The following SEMA6A variants were observed in gnomAD, a reference collection of about 807,000 sequenced individuals.
SEMA6A encodes semaphorin-6A.
A neutral mutation model predicts 96.8 loss-of-function variants in SEMA6A; 25 were observed. That is an observed-to-expected ratio of 0.26 (90% confidence interval 0.19 to 0.36). SEMA6A has a LOEUF of 0.36. Among genes scored for constraint, SEMA6A ranks in the 10% least tolerant of loss-of-function variants. The probability of loss-of-function intolerance (pLI) is 1.00; values close to 1 mark genes in which losing one functional copy is unlikely to be tolerated. For synonymous variants in SEMA6A, 612 were observed against 518.0 expected, an observed-to-expected ratio of 1.18 and a Z score of -2.46; for missense variants, 1,363 against 1,323.1, an observed-to-expected ratio of 1.03 and a Z score of -0.47.
At chr5:116,495,810 G>C (rs1478743133) in intron 5 of SEMA6A, 2 of 378,764 alleles carry the variant, frequency 5.3e-6, no homozygotes, top group African/African-American at 4.2e-5. Flanking sequence ...TTTAATGCCA[G>C]ATGCTCCAGC....
At chr5:116,460,434 T>C (rs1367505969) in intron 18 of SEMA6A, among the ~76,000 whole-genome samples, 1 of 152,214 alleles carries the variant, frequency 6.6e-6, no homozygotes. Flanking sequence ...CCAAATGTAA[T>C]ATATAAATTA....
intron 1 of SEMA6A, among the ~76,000 whole-genome samples, chr5:116,526,590 C>A (rs983595253): frequency 6.6e-6 from 1 of 152,158 alleles, no homozygotes. Context: ...TAAACACATA[C>A]GTCGTATAAG....
intron 1 of SEMA6A, among the ~76,000 whole-genome samples, chr5:116,558,096 C>A (rs1416064834): frequency 6.6e-6 from 1 of 152,098 alleles, no homozygotes; most frequent in East Asian, 1.9e-4. Context: ...TTCTCTAGAA[C>A]CTTTCTAGAT....
intron 18 of SEMA6A, among the ~76,000 whole-genome samples, chr5:116,458,617 T>C (rs551392332): frequency 1.3e-3 from 196 of 152,226 alleles, no homozygotes; most frequent in African/African-American, 4.6e-3. Context: ...AAATGAATGT[T>C]AGGTTAAAAA....
chr5:116,568,713 A>G (rs1223084110), intron 1 of SEMA6A, among the ~76,000 whole-genome samples: 1 of 152,112 alleles, frequency 6.6e-6, no homozygotes. Context: ...ACTGGGTGAG[A>G]ATGTGGGAAT....
chr5:116,461,219 A>G (rs1755374808), intron 18 of SEMA6A, among the ~76,000 whole-genome samples: 2 of 152,094 alleles, frequency 1.3e-5, no homozygotes, highest in Admixed American at 6.5e-5. Context: ...TGGAACCGTC[A>G]CAATCAATTC....
chr5:116,562,609 C>A, intron 1 of SEMA6A: 1 of 692,770 alleles, frequency 1.4e-6, no homozygotes, highest in South Asian at 1.5e-5. Flanking sequence ...TCATCAGCCT[C>A]TGACCTCAGG....
intron 18 of SEMA6A, chr5:116,449,425 G>C: frequency 2.9e-6 from 2 of 695,214 alleles, no homozygotes; most frequent in Non-Finnish European, 5.2e-6. Context: ...TAGAATGAAA[G>C]GAAATAAAGA....
chr5:116,511,477 T>G (rs189547696), intron 1 of SEMA6A, among the ~76,000 whole-genome samples: 126 of 152,262 alleles, frequency 8.3e-4, no homozygotes, highest in African/African-American at 2.9e-3. Context: ...GTTTATGTCC[T>G]TCCCAAGGCA....
At chr5:116,495,365 A>C (rs1197567229) in intron 6 of SEMA6A, 48 bp downstream of exon 6, 3 of 1,389,940 alleles carry the variant, frequency 2.2e-6, no homozygotes, top group Non-Finnish European at 3.0e-6. Flanking sequence ...ACAGTAAATT[A>C]TGAAATGCCT....
chr5:116,508,864 G>C (rs896379487), intron 1 of SEMA6A, among the ~76,000 whole-genome samples: 1 of 152,132 alleles, frequency 6.6e-6, no homozygotes, highest in South Asian at 2.1e-4. Context: ...AAGGTTCTGA[G>C]GGAACCTTTA....
chr5:116,495,534 GT>G lies in SEMA6A; in HGVS notation c.343-21del, dbSNP rs1338678589. 6.6e-7 allele frequency: 1 copy of G among 1,513,310 alleles called. No individual in the cohort carries two copies. The highest frequency in any genetic ancestry group is 9.1e-7 in the Non-Finnish European group (1 of 1,104,822). 93.7% of individuals were successfully genotyped at this position (1,513,310 alleles called of 1,614,324 possible). ...CTCATCCTGAAAAATAATTCAAACTGTTTTGTATCATGTCCATTCAGTACAG... is the reference window on the plus strand; with the variant it reads ...CTCATCCTGAAAAATAATTCAAACTGTTTGTATCATGTCCATTCAGTACAG... On this transcript the variant is annotated intron_variant, in intron 5 of 18. Coordinates refer to ENST00000343348, the MANE Select transcript of SEMA6A (RefSeq NM_020796.5).
intron 11 of SEMA6A, among the ~76,000 whole-genome samples, 198 bp from the exon 12 acceptor site, chr5:116,480,475 A>G (rs1373005052): frequency 6.6e-6 from 1 of 152,184 alleles, no homozygotes; most frequent in East Asian, 1.9e-4. Flanking sequence ...ATTTCTGAGG[A>G]GCCTCAGCCA....
chr5:116,467,882 A>AGTGGTGGTG (rs3073761), intron 17 of SEMA6A, 135 bp from the exon 18 acceptor site: 43 of 551,354 alleles, frequency 7.8e-5, no homozygotes, highest in South Asian at 1.4e-4. Context: ...GACACGGCTT[A>AGTGGTGGTG]GTGGTGGTGG....
At chr5:116,543,602 T>C (rs984396663) in intron 1 of SEMA6A, among the ~76,000 whole-genome samples, 1 of 152,236 alleles carries the variant, frequency 6.6e-6, no homozygotes, top group Non-Finnish European at 1.5e-5. Flanking sequence ...TCAAGACTGA[T>C]TAATACATGA....
intron 1 of SEMA6A, among the ~76,000 whole-genome samples, chr5:116,569,498 A>T (rs1761126568): frequency 6.6e-6 from 1 of 151,932 alleles, no homozygotes; most frequent in Admixed American, 6.5e-5. Context: ...CAAAGTAGTG[A>T]TCTGATCTGG....
intron 1 of SEMA6A, among the ~76,000 whole-genome samples, chr5:116,530,166 A>C (rs1759401381): frequency 6.6e-6 from 1 of 152,156 alleles, no homozygotes; most frequent in African/African-American, 2.4e-5. Context: ...TTTGAACTAA[A>C]TGTTGTAAAT....
At chr5:116,537,000 G>A (rs1759745851) in intron 1 of SEMA6A, among the ~76,000 whole-genome samples, 1 of 150,994 alleles carries the variant, frequency 6.6e-6, no homozygotes, top group East Asian at 2.0e-4. Context: ...GTATTAGCAT[G>A]TGTGAAAAAA....
At chr5:116,498,018 G>C (rs2112754371) in intron 3 of SEMA6A, among the ~76,000 whole-genome samples, 1 of 152,272 alleles carries the variant, frequency 6.6e-6, no homozygotes, top group African/African-American at 2.4e-5. Flanking sequence ...CTGTTTTGCT[G>C]AGAATTGGGT....
Sources: gnomAD v4.1 joint callset for allele counts (sites outside exome capture counted in the v4.1 genomes callset) on GRCh38, gnomAD v4.1.1 for gene constraint, MANE v1.5 for transcripts, NCBI Gene and HGNC (gene_info 2026-07-23, HGNC 2026-07-21) for gene names.